The following ZDHHC13 variants were observed in gnomAD, a reference collection of about 807,000 sequenced individuals.
ZDHHC13 encodes the protein palmitoyltransferase ZDHHC13.
A neutral mutation model predicts 86.0 loss-of-function variants in ZDHHC13; 85 were observed. That is an observed-to-expected ratio of 0.99 (90% CI 0.83 to 1.18). ZDHHC13 has a LOEUF of 1.18. ZDHHC13 is among the 50% of genes most tolerant of loss of function. ZDHHC13 has a pLI of 0.00. For missense variants in ZDHHC13, 711 were observed against 730.2 expected, an observed-to-expected ratio of 0.97 and a Z score of 0.30; for synonymous variants, 263 against 246.4, an observed-to-expected ratio of 1.07 and a Z score of -0.63.
At chr11:19,172,650 C>A in intron 15 of ZDHHC13, 73 bp from the exon 16 acceptor site, 1 of 1,221,274 alleles carries the variant, frequency 8.2e-7, no homozygotes. Context: ...TGCACTGATA[C>A]TGATCTTATA....
intron 14 of ZDHHC13, chr11:19,167,219 C>T (rs1035772061): frequency 6.6e-6 from 1 of 152,164 alleles, no homozygotes; most frequent in African/African-American, 2.4e-5. Flanking sequence ...CTTCCATCCA[C>T]CCTCTTGTTA....
At chr11:19,175,037 A>G (rs1025565063) in intron 16 of ZDHHC13, among the ~76,000 whole-genome samples, 18 of 152,150 alleles carry the variant, frequency 1.2e-4, no homozygotes, top group African/African-American at 3.9e-4. Context: ...ACAGTCTGCA[A>G]TATGCAAGAT....
chr11:19,135,063 T>C (rs1849097723), intron 1 of ZDHHC13, among the ~76,000 whole-genome samples: 1 of 151,860 alleles, frequency 6.6e-6, no homozygotes, highest in African/African-American at 2.4e-5. Flanking sequence ...AAAAAAGTGG[T>C]AGGAGCCAAG....
chr11:19,158,408 A>T (rs1220743731), intron 9 of ZDHHC13, among the ~76,000 whole-genome samples: 1 of 152,106 alleles, frequency 6.6e-6, no homozygotes, highest in African/African-American at 2.4e-5. Context: ...TATCATTTTT[A>T]GCCTTTGTGT....
chr11:19,135,005 G>T (rs112496289), intron 1 of ZDHHC13, among the ~76,000 whole-genome samples: 2 of 152,160 alleles, frequency 1.3e-5, no homozygotes, highest in Non-Finnish European at 2.9e-5. Context: ...GCACTCCAGC[G>T]TGGGCAACAG....
At chr11:19,140,070 C>A (rs1299852854) in intron 1 of ZDHHC13, among the ~76,000 whole-genome samples, 6 of 149,416 alleles carry the variant, frequency 4.0e-5, no homozygotes, top group African/African-American at 1.5e-4. Flanking sequence ...CAAATGGGAT[C>A]TAATTAAACT....
intron 1 of ZDHHC13, among the ~76,000 whole-genome samples, chr11:19,133,202 GA>G (rs1849040054): frequency 6.6e-6 from 1 of 152,150 alleles, no homozygotes. Flanking sequence ...GGAGTCTGAT[GA>G]TACCAAGTAT....
chr11:19,159,348 G>T (rs193147717), intron 10 of ZDHHC13, among the ~76,000 whole-genome samples: 1 of 152,116 alleles, frequency 6.6e-6, no homozygotes, highest in East Asian at 1.9e-4. Context: ...AAGGTCAGAT[G>T]GTTCTCATAA....
Position 19,158,997 on chromosome 11 carries a change from T to G in ZDHHC13, c.1065T>G (p.Ser355=). 1 of 1,549,886 alleles carries G rather than the reference T, an allele frequency of 6.5e-7. No homozygotes were observed. The highest frequency in any genetic ancestry group is 8.7e-7 in the Non-Finnish European group (1 of 1,146,258). ...TACCAACAGCCTTTCTGCTAAGTTC[T>G]GTTTTTTGGATATTTATGACTTGGT... ...VYLPTAFLLS[S]VFWIFMTWFI... The change falls in exon 10 of 17, where the codon TCT becomes TCG. Residue 355 remains serine, a synonymous_variant. Coordinates refer to ENST00000446113, the MANE Select transcript of ZDHHC13 (RefSeq NM_019028.3).
At chr11:19,165,184 A>G (rs1377327645) in intron 13 of ZDHHC13, 39 bp downstream of exon 13, 1 of 1,573,958 alleles carries the variant, frequency 6.4e-7, no homozygotes, top group South Asian at 1.2e-5. Context: ...TGTGAAGTTA[A>G]GCATATGTTT....
intron 8 of ZDHHC13, among the ~76,000 whole-genome samples, chr11:19,153,003 T>C (rs1414886569): frequency 1.3e-5 from 2 of 152,140 alleles, no homozygotes; most frequent in Non-Finnish European, 2.9e-5. Context: ...AAAAACACCT[T>C]GTTGCAAGGA....
rs1461505514 is a variant in ZDHHC13, at chr11:19,147,531, A to T, written c.297-65A>T. On this transcript the variant is annotated intron_variant, in intron 3 of 16. Transcript: ENST00000446113. ...TATTTATTACTATGAAAAAATTAGT[A>T]TTTTCTTTCTCAATATGAAGCTTAA... 5.8e-6 allele frequency: 8 copies of T among 1,373,012 alleles called. No individual in the cohort carries two copies. In the African/African-American group the frequency reaches 1.2e-4, roughly 20 times the overall value. The allele number at this position is 1,373,012 out of a possible 1,614,324, so 85.1% of individuals were successfully genotyped here. A position where few individuals can be genotyped will look rare whatever the true frequency, so the allele number is the denominator to read the frequency against.
rs934304936 is a variant in ZDHHC13 at position 19,152,254 on chromosome 11, A to G, written c.681A>G (p.Ala227=). 1 of 1,613,442 alleles carries G rather than the reference A, an allele frequency of 6.2e-7. No homozygotes were observed. Among genetic ancestry groups the G allele is most frequent in the Non-Finnish European group, 8.5e-7 (1 of 1,179,530 alleles). ...QNTPLHWAVA[A]GNVNAVDKLL... ...CTCCACTTCACTGGGCAGTTGCAGC[A>G]GGAAATGTTAATGCAGTTGATAAGC... Residue 227 remains alanine, a synonymous_variant, in exon 7 of 17, where the codon GCA becomes GCG. Transcript: ENST00000446113.
intron 5 of ZDHHC13, among the ~76,000 whole-genome samples, chr11:19,149,903 A>C (rs532124532): frequency 6.6e-6 from 1 of 152,368 alleles, no homozygotes; most frequent in East Asian, 1.9e-4. Flanking sequence ...AAAAGGCATG[A>C]AAACGTGTTT....
chr11:19,167,700 A>G (rs1351120971), intron 14 of ZDHHC13: 1 of 152,228 alleles, frequency 6.6e-6, no homozygotes, highest in Non-Finnish European at 1.5e-5. Context: ...TAGGTCTAAT[A>G]GTCAGAAGGT....
At chr11:19,124,361 G>A (rs908806407) in intron 1 of ZDHHC13, among the ~76,000 whole-genome samples, 1 of 151,904 alleles carries the variant, frequency 6.6e-6, no homozygotes, top group African/African-American at 2.4e-5. Context: ...ACATAATGAG[G>A]GAAGATGCAC....
At position 19,147,612 on chromosome 11, in the gene ZDHHC13, G is replaced by C. The variant is rs758439825; in HGVS notation, c.313G>C (p.Gly105Arg). The C allele has an allele frequency of 6.9e-6, 11 of 1,599,106 alleles. 1 individual carries two copies. In the East Asian group the frequency reaches 9.0e-5, roughly 13 times the overall value. The change falls in exon 4 of 17, where the codon GGT becomes CGT. Residue 105 changes from glycine to arginine, a missense_variant. Transcript: ENST00000446113. ...TTTTAACAGGTTTTATATTTCAAAA[G>C]GTGCTGTTGTAGATCAGTTGGGTGG... ...LDLVKFYISK[G>R]AVVDQLGGDL...
chr11:19,164,522 A>G (rs1221975816), intron 12 of ZDHHC13, 159 bp downstream of exon 12: 6 of 654,330 alleles, frequency 9.2e-6, no homozygotes, highest in African/African-American at 1.8e-5. Flanking sequence ...TGTCTTGAAC[A>G]TATGGCAGAA....
chr11:19,158,102 T>A (rs1487220440), intron 9 of ZDHHC13, among the ~76,000 whole-genome samples: 2 of 152,196 alleles, frequency 1.3e-5, no homozygotes, highest in Non-Finnish European at 2.9e-5. Context: ...GGCAGCATGT[T>A]GAGCATCTAA....
Sources: allele counts gnomAD v4.1 joint callset (sites outside exome capture counted in the v4.1 genomes callset), GRCh38; gene constraint gnomAD v4.1.1; transcripts MANE v1.5; gene names NCBI Gene and HGNC (gene_info 2026-07-23, HGNC 2026-07-21).